ZNF354A: variants seen among roughly 807,000 people sequenced by gnomAD.
ZNF354A encodes the protein epididymis luminal protein 104.
In ZNF354A, 25 loss-of-function variants were observed where a neutral mutation model predicts 53.3. That is an observed-to-expected ratio of 0.47 (90% CI 0.34 to 0.66). The LOEUF is 0.66. Among genes scored for constraint, ZNF354A ranks in the 30% least tolerant of loss-of-function variants. ZNF354A has a pLI of 0.01. For synonymous variants in ZNF354A, 228 were observed against 249.0 expected (o/e 0.92, Z 0.79); for missense variants, 586 against 716.8 (o/e 0.82, Z 2.08).
rs773428215 is a variant in ZNF354A at position 178,713,166 on chromosome 5, C to G, written c.712G>C (p.Gly238Arg). 6.2e-7 allele frequency: 1 copy of G among 1,614,104 alleles called. No individual in the cohort carries two copies. The highest frequency in any genetic ancestry group is 8.5e-7 in the Non-Finnish European group (1 of 1,180,026). ...SLRKHEKNHSGEKLFKCKECS... is the reference protein window; with the variant it reads ...SLRKHEKNHSREKLFKCKECS... ...TCTTTACACTTAAATAGTTTCTCTC[C>G]ACTATGGTTTTTCTCATGTTTACGA... is the stretch of plus-strand genomic sequence containing the variant. Residue 238 changes from glycine to arginine, a missense_variant, in exon 5 of 5, where the codon GGA (glycine) becomes CGA (arginine). By Grantham distance (125) the Gly-to-Arg change is moderately radical (BLOSUM62 -2). This residue lies in a region of ZNF354A where 573 missense variants were observed against 680.1 expected (regional missense o/e 0.84). Coordinates refer to ENST00000335815, the MANE Select transcript of ZNF354A (RefSeq NM_005649.3).
chr5:178,720,580 A>G (rs1259468114), intron 4 of ZNF354A, among the ~76,000 whole-genome samples: 2 of 152,212 alleles, frequency 1.3e-5, no homozygotes, highest in Non-Finnish European at 2.9e-5. Flanking sequence ...GCAAGGAAGA[A>G]TTCTATGCAG....
At position 178,725,398 on chromosome 5, in the gene ZNF354A, G is replaced by A. The variant is rs142721313; in HGVS notation, c.234C>T (p.Asp78=). 2.0e-3 allele frequency: 3,250 copies of A among 1,614,006 alleles called. 5 individuals carry two copies. Among genetic ancestry groups the A allele is most frequent in the Non-Finnish European group, 2.5e-3 (2,947 of 1,180,014 alleles). ...TACCTAGAGAGGAGACGCCAGAACC[G>A]TCTTTCTCCACCTCCCAGGGATCTT... The part of the protein sequence containing the change: ...QGEDPWEVEK[D]GSGVSSLGSK... Residue 78 remains aspartate (D), a synonymous_variant, in exon 4 of 5, where the codon GAC becomes GAT. Coordinates refer to ENST00000335815, the MANE Select transcript of ZNF354A (RefSeq NM_005649.3).
chr5:178,728,945 T>C, intron 2 of ZNF354A, 45 bp downstream of exon 2: 2 of 712,436 alleles, frequency 2.8e-6, no homozygotes, highest in South Asian at 1.7e-5. Context: ...CTCCAGTTAG[T>C]GGGGAAAATC....
In ZNF354A at chr5:178,713,472, G is replaced by C. The variant is rs1348421896; in HGVS notation, c.406C>G (p.Gln136Glu). ...ATCTGAAAACTTCCCTTTTTATCCT[G>C]CTTTTTCTCTAATCTGCCTTCATAT... ...YIYEGRLEKK[Q>E]DKKGSFQIVS... The change falls in exon 5 of 5, where the codon CAG becomes GAG. Residue 136 changes from glutamine (Q) to glutamate (E), a missense_variant. Around this residue, in one of 2 missense-constraint regions of ZNF354A, gnomAD observed 573 missense variants for 680.1 expected, o/e 0.84. Transcript: ENST00000335815. 1 of 1,613,532 alleles carries C rather than the reference G, an allele frequency of 6.2e-7. No homozygotes were observed. Among genetic ancestry groups the C allele is most frequent in the African/African-American group, 1.3e-5 (1 of 74,834 alleles).
At chr5:178,723,046 A>G (rs1355084623) in intron 4 of ZNF354A, among the ~76,000 whole-genome samples, 3 of 152,208 alleles carry the variant, frequency 2.0e-5, no homozygotes, top group Non-Finnish European at 2.9e-5. Flanking sequence ...AAGGGTGATC[A>G]GAGGCCTCGA....
intron 4 of ZNF354A, among the ~76,000 whole-genome samples, chr5:178,717,155 G>A (rs1317841813): frequency 6.6e-6 from 1 of 151,416 alleles, no homozygotes; most frequent in Non-Finnish European, 1.5e-5. Flanking sequence ...AATCCTCTAA[G>A]GCCCAGGTCA....
chr5:178,724,605 TTC>T (rs1283026283), intron 4 of ZNF354A, among the ~76,000 whole-genome samples: 5 of 152,306 alleles, frequency 3.3e-5, no homozygotes, highest in Admixed American at 6.5e-5. Flanking sequence ...CACAAATATA[TTC>T]TCTTTGTGAA....
At chr5:178,723,200 A>G (rs1434181082) in intron 4 of ZNF354A, among the ~76,000 whole-genome samples, 1 of 152,230 alleles carries the variant, frequency 6.6e-6, no homozygotes, top group Non-Finnish European at 1.5e-5. Flanking sequence ...GGGAGGAGAA[A>G]GCTCTCCCCA....
chr5:178,718,259 G>A (rs1765749932), intron 4 of ZNF354A, among the ~76,000 whole-genome samples: 1 of 152,336 alleles, frequency 6.6e-6, no homozygotes, highest in South Asian at 2.1e-4. Flanking sequence ...CTCCTGAGGT[G>A]CAGTTCAACC....
chr5:178,717,223 G>A (rs1258045998), intron 4 of ZNF354A, among the ~76,000 whole-genome samples: 1 of 152,080 alleles, frequency 6.6e-6, no homozygotes, highest in Non-Finnish European at 1.5e-5. Context: ...GTGTTCATTT[G>A]AGTTGGCTGC....
In ZNF354A at chr5:178,712,813, T is replaced by C; in HGVS notation, c.1065A>G (p.Leu355=). 1 of 1,614,068 alleles carries C rather than the reference T, an allele frequency of 6.2e-7. No homozygotes were observed. Among genetic ancestry groups the C allele is most frequent in the Non-Finnish European group, 8.5e-7 (1 of 1,180,024 alleles). The change falls in exon 5 of 5, where the codon TTA becomes TTG. Residue 355 remains leucine, a synonymous_variant. Transcript: ENST00000335815. The part of the protein sequence containing the change: ...QRIHSRKKSY[L]CNECGNTFKS... ...TAAAGGTGTTGCCACATTCATTACA[T>C]AAGTAGGACTTCTTTCTAGAATGAA...
At chr5:178,716,844 C>T (rs1765724063) in intron 4 of ZNF354A, among the ~76,000 whole-genome samples, 1 of 151,918 alleles carries the variant, frequency 6.6e-6, no homozygotes, top group South Asian at 2.1e-4. Context: ...TTTGGGAGGC[C>T]GAGGTGGGTG....
chr5:178,715,154 C>A (rs559630591), intron 4 of ZNF354A, among the ~76,000 whole-genome samples: 2 of 152,182 alleles, frequency 1.3e-5, no homozygotes, highest in South Asian at 2.1e-4. Context: ...CTCAGGGGAA[C>A]GGTTATGCAC....
rs1581748591 is a variant in ZNF354A at position 178,724,824 on chromosome 5, G to A, written c.256+552C>T. ...GTAACTTTTTGGGAGCTCTGTCCAC[G>A]TCCCTGGACTCTTGTTTTCAGGGTG... On this transcript the variant is annotated intron_variant, in intron 4 of 4. Coordinates refer to ENST00000335815, the MANE Select transcript of ZNF354A (RefSeq NM_005649.3). Among the ~76,000 whole-genome samples, 6 of 152,140 alleles carry A rather than the reference G, an allele frequency of 3.9e-5. No homozygotes were observed. The South Asian group carries it at 1.0e-3, about 26-fold the overall frequency.
In ZNF354A at chr5:178,711,735, C is replaced by T. The variant is rs189854478; in HGVS notation, c.*325G>A. On this transcript the variant is annotated 3_prime_UTR_variant, in exon 5 of 5. Coordinates refer to ENST00000335815, the MANE Select transcript of ZNF354A (RefSeq NM_005649.3). ...TCTAAAGCACACCTCCCCACCCACT[C>T]GGATATCTGTTTCTGATGATCACGT... 8.8e-4 allele frequency: 172 copies of T among 195,784 alleles called. 1 individual carries two copies. Among genetic ancestry groups the T allele is most frequent in the Non-Finnish European group, 4.5e-4 (43 of 95,270 alleles). The allele number at this position is 195,784 out of a possible 1,614,324, so 12.1% of individuals were successfully genotyped here.
intron 4 of ZNF354A, among the ~76,000 whole-genome samples, chr5:178,716,979 TGAGGCAGAGAATTGCTTGAACCCAG>T (rs917109533): frequency 2.8e-5 from 4 of 145,144 alleles, no homozygotes; most frequent in Non-Finnish European, 6.0e-5. Context: ...CTCGGGAGGC[TGAGGCAGAGAATTGCTTGAACCCAG>T]GAGGCAGAGG....
At chr5:178,719,270 T>C (rs187310981) in intron 4 of ZNF354A, among the ~76,000 whole-genome samples, 1 of 152,344 alleles carries the variant, frequency 6.6e-6, no homozygotes, top group Non-Finnish European at 1.5e-5. Flanking sequence ...AAAGGAACAG[T>C]TGATTTCTTC....
rs556031409 is a variant in ZNF354A at position 178,730,144 on chromosome 5, C to A, written c.-52+412G>T. On this transcript the variant is annotated intron_variant, in intron 1 of 4. Transcript: ENST00000335815. Reference sequence around the variant, plus strand: ...CCTCCCAAAGTGCTGGGATTACAGGCGTGAGCCACCGCGCCCGGCCAAACA... The same window carrying A: ...CCTCCCAAAGTGCTGGGATTACAGGAGTGAGCCACCGCGCCCGGCCAAACA... Among the ~76,000 whole-genome samples the A allele has an allele frequency of 3.3e-5, 5 of 152,292 alleles. 1 individual carries two copies. The South Asian group carries it at 1.0e-3, about 32-fold the overall frequency.
At chr5:178,721,529 T>G (rs932254727) in intron 4 of ZNF354A, among the ~76,000 whole-genome samples, 2 of 152,198 alleles carry the variant, frequency 1.3e-5, no homozygotes, top group African/African-American at 2.4e-5. Flanking sequence ...CCCACCTTTC[T>G]TAGATAACAG....
Sources: gnomAD v4.1 joint callset for allele counts (sites outside exome capture counted in the v4.1 genomes callset) on GRCh38, gnomAD v4.1.1 for gene constraint, gnomAD v4.1.1 regional missense constraint, MANE v1.5 for transcripts, NCBI Gene and HGNC (gene_info 2026-07-23, HGNC 2026-07-21) for gene names.